NFIB: variants seen among roughly 807,000 people sequenced by gnomAD.
NFIB encodes nuclear factor 1 B-type.
In NFIB, 11 loss-of-function variants were observed where a neutral mutation model predicts 61.5. The observed-to-expected ratio is 0.18, with a 90% confidence interval of 0.11 to 0.30. NFIB has a LOEUF of 0.30. Ranked by LOEUF, NFIB falls within the 10% of genes least tolerant of loss-of-function variation. The probability of loss-of-function intolerance (pLI) is 1.00; values close to 1 mark genes in which losing one functional copy is unlikely to be tolerated. For synonymous variants in NFIB, 260 were observed against 216.5 expected, an observed-to-expected ratio of 1.20 and a Z score of -1.76; for missense variants, 471 against 608.9, an observed-to-expected ratio of 0.77 and a Z score of 2.38.
chr9:14,379,788 T>C (rs983600741), intron 1 of NFIB, among the ~76,000 whole-genome samples: 11 of 152,128 alleles, frequency 7.2e-5, no homozygotes, highest in African/African-American at 2.7e-4. Context: ...GTTCAAGCAA[T>C]TCTCCTACCT....
At chr9:14,311,282 T>C (rs2060266838) in intron 1 of NFIB, among the ~76,000 whole-genome samples, 1 of 152,190 alleles carries the variant, frequency 6.6e-6, no homozygotes, top group African/African-American at 2.4e-5. Flanking sequence ...TTAAGAATGA[T>C]ACTCTATTTT....
In NFIB at chr9:14,146,736, G is replaced by A. The variant is rs1489502974; in HGVS notation, c.878C>T (p.Pro293Leu). 1 of 1,612,020 alleles carries A rather than the reference G, an allele frequency of 6.2e-7. No homozygotes were observed. Among genetic ancestry groups the A allele is most frequent in the Non-Finnish European group, 8.5e-7 (1 of 1,179,314 alleles). Reference protein sequence around the residue: ...PSPTGDFYPSPSSPAAGSRTW... With the variant: ...PSPTGDFYPSLSSPAAGSRTW... ...TCGACTTCCAGCAGCTGGTGAACTT[G>A]GAGAGGGGTAAAAGTCTCCTGTAGG... The change falls in exon 6 of 11, where the codon CCA becomes CTA. Residue 293 changes from proline (P) to leucine (L), a missense_variant. Physicochemically the swap from Pro to Leu is moderately conservative, Grantham distance 98 (BLOSUM62 -3). Around this residue, in one of 2 missense-constraint regions of NFIB, gnomAD observed 372 missense variants for 395.6 expected, o/e 0.94. Transcript: ENST00000380953.
chr9:14,226,244 C>T (rs541827294), intron 2 of NFIB, among the ~76,000 whole-genome samples: 68 of 151,938 alleles, frequency 4.5e-4, no homozygotes, highest in South Asian at 4.2e-4. Flanking sequence ...TTAGGTAAAA[C>T]GACCATCAAC....
chr9:14,296,676 T>G (rs912711461), intron 2 of NFIB, among the ~76,000 whole-genome samples: 8 of 152,192 alleles, frequency 5.3e-5, no homozygotes, highest in Non-Finnish European at 7.4e-5. Flanking sequence ...CGCTGGAACT[T>G]GACTATGCTG....
chr9:14,332,191 G>T (rs2060829500), intron 1 of NFIB, among the ~76,000 whole-genome samples: 1 of 151,962 alleles, frequency 6.6e-6, no homozygotes, highest in Non-Finnish European at 1.5e-5. Context: ...AAACTAACTG[G>T]GCGTCGTGGT....
rs543903727 is a variant in NFIB at position 14,084,583 on chromosome 9, G to C, written c.*3726C>G. 1 of 228,548 alleles carries C rather than the reference G, an allele frequency of 4.4e-6. No homozygotes were observed. Among genetic ancestry groups the C allele is most frequent in the African/African-American group, 2.2e-5 (1 of 45,162 alleles). The allele number at this position is 228,548 out of a possible 1,614,324, so 14.2% of individuals were successfully genotyped here. A position where few individuals can be genotyped will look rare whatever the true frequency, so the allele number is the denominator to read the frequency against. On this transcript the variant is annotated 3_prime_UTR_variant, in exon 11 of 11. Transcript: ENST00000380953. ...AGGGGTAACACGCTTCAGAGGCACT[G>C]TGAGTGGTGGGTGGCAGGGCAGCAC...
intron 2 of NFIB, among the ~76,000 whole-genome samples, chr9:14,250,839 T>C (rs143762328): frequency 3.9e-4 from 60 of 152,328 alleles, no homozygotes; most frequent in Admixed American, 1.6e-3. Context: ...AGAAGTCACG[T>C]TTATTCAAAA....
Position 14,384,217 on chromosome 9 carries a change from C to T in NFIB, c.108+14307G>A, listed in dbSNP as rs2061523627. ...CTCGCAGCAACATCTACTGTCAGCT[C>T]CCCACCCCTGTTACAAGAGAGCCTT... is the stretch of plus-strand genomic sequence containing the variant. On this transcript the variant is annotated intron_variant, in intron 1 of 8. Coordinates refer to the NFIB transcript ENST00000380934. Among the ~76,000 whole-genome samples, 3 of 152,274 alleles carry T rather than the reference C, an allele frequency of 2.0e-5. No individual in the cohort carries two copies. In the South Asian group the frequency reaches 6.2e-4, roughly 32 times the overall value.
chr9:14,377,037 T>G (rs2061428575), intron 1 of NFIB, among the ~76,000 whole-genome samples: 1 of 152,200 alleles, frequency 6.6e-6, no homozygotes, highest in African/African-American at 2.4e-5. Flanking sequence ...AAATCACCTT[T>G]CACCCCAAAT....
chr9:14,408,588 TC>T, the NFIB span, among the ~76,000 whole-genome samples: 14 of 152,212 alleles, frequency 9.2e-5, no homozygotes, highest in Admixed American at 9.2e-4. Context: ...TCTGTTTATA[TC>T]ACTTGATCCC....
In NFIB at chr9:14,289,122, G is replaced by GTATA. The variant is rs60051220; in HGVS notation, c.562+17863_562+17866dup. ...TGTGTGTGTATGTGTGTGTGTATAT[G>GTATA]TATATATATATATATATACATATAT... On this transcript the variant is annotated intron_variant, in intron 2 of 10. Transcript: ENST00000380953. Among the ~76,000 whole-genome samples, 710 of 139,814 alleles carry GTATA rather than the reference G, an allele frequency of 5.1e-3. 8 individuals are homozygous for GTATA. The highest frequency in any genetic ancestry group is 0.017 in the African/African-American group (640 of 38,012). 91.7% of individuals were successfully genotyped at this position (139,814 alleles called of 152,430 possible). A position where few individuals can be genotyped will look rare whatever the true frequency, so the allele number is the denominator to read the frequency against.
the NFIB span, among the ~76,000 whole-genome samples, chr9:14,519,510 T>G: frequency 6.6e-6 from 1 of 152,162 alleles, no homozygotes; most frequent in African/African-American, 2.4e-5. Context: ...TAGTTTCTGT[T>G]GTGTGTTTTC....
the NFIB span, among the ~76,000 whole-genome samples, chr9:14,526,586 G>A: frequency 6.6e-6 from 1 of 152,088 alleles, no homozygotes; most frequent in Non-Finnish European, 1.5e-5. Context: ...CTCTTTTCCT[G>A]CCCTGCTAAA....
the NFIB span, among the ~76,000 whole-genome samples, chr9:14,438,872 C>G: frequency 6.6e-6 from 1 of 152,104 alleles, no homozygotes; most frequent in African/African-American, 2.4e-5. Context: ...ACAGGACGCC[C>G]GAGGAAGAGG....
intron 2 of NFIB, among the ~76,000 whole-genome samples, chr9:14,246,185 C>T (rs949704608): frequency 6.6e-6 from 1 of 151,944 alleles, no homozygotes; most frequent in African/African-American, 2.4e-5. Context: ...AAAACCCAGA[C>T]CTAATTTTAA....
Position 14,081,979 on chromosome 9 carries a change from C to A in NFIB, c.*6330G>T, listed in dbSNP as rs2032010405. The A allele has an allele frequency of 4.8e-6, 1 of 207,612 alleles. No homozygotes were observed. 12.9% of individuals were successfully genotyped at this position (207,612 alleles called of 1,614,324 possible). A position where few individuals can be genotyped will look rare whatever the true frequency, so the allele number is the denominator to read the frequency against. On this transcript the variant is annotated 3_prime_UTR_variant, in exon 11 of 11. Coordinates refer to ENST00000380953, the MANE Select transcript of NFIB (RefSeq NM_001190737.2). ...TATAACAGTAACAATCACATTAAGT[C>A]AAGCTTGATTTACACCAGTTTAAAA...
chr9:14,177,888 G>C (rs2046354161), intron 3 of NFIB, among the ~76,000 whole-genome samples: 1 of 152,090 alleles, frequency 6.6e-6, no homozygotes, highest in Non-Finnish European at 1.5e-5. Context: ...CAAGCTTCTT[G>C]ACAAATATTG....
At chr9:14,135,827 G>C (rs1051842364) in intron 6 of NFIB, among the ~76,000 whole-genome samples, 1 of 152,024 alleles carries the variant, frequency 6.6e-6, no homozygotes, top group Non-Finnish European at 1.5e-5. Context: ...AGAAAGTATG[G>C]TGGTCTTTGT....
chr9:14,359,502 T>TC (rs972668424), intron 1 of NFIB, among the ~76,000 whole-genome samples: 2 of 152,066 alleles, frequency 1.3e-5, no homozygotes, highest in African/African-American at 4.8e-5. Context: ...AAACAAAATC[T>TC]CCCCCAGAGC....
Sources: gnomAD v4.1 joint callset for allele counts (sites outside exome capture counted in the v4.1 genomes callset) on GRCh38, gnomAD v4.1.1 for gene constraint, gnomAD v4.1.1 regional missense constraint, MANE v1.5 for transcripts, NCBI Gene and HGNC (gene_info 2026-07-23, HGNC 2026-07-21) for gene names.